Variants in TAFA5 observed in about 807,000 individuals in gnomAD.
The protein encoded by TAFA5 is chemokine-like protein TAFA-5.
In TAFA5, 6 loss-of-function variants were observed where a neutral mutation model predicts 15.3. The observed-to-expected ratio is 0.39, with a 90% CI of 0.21 to 0.77. The LOEUF is 0.77. Among genes scored for constraint, TAFA5 ranks in the 30% least tolerant of loss-of-function variants. The pLI is 0.41. For missense variants in TAFA5, 161 were observed against 193.1 expected, an observed-to-expected ratio of 0.83 and a Z score of 0.98; for synonymous variants, 103 against 80.7, an observed-to-expected ratio of 1.28 and a Z score of -1.48.
chr22:48,540,031 G>A (rs1190667713), intron 1 of TAFA5, among the ~76,000 whole-genome samples: 2 of 152,128 alleles, frequency 1.3e-5, no homozygotes, highest in African/African-American at 2.4e-5. Context: ...TGGAACTGGG[G>A]GCCTGGGAAG....
chr22:48,648,947 A>G (rs1175842201), intron 2 of TAFA5, among the ~76,000 whole-genome samples: 3 of 152,216 alleles, frequency 2.0e-5, no homozygotes, highest in Admixed American at 2.0e-4. Flanking sequence ...GAGTCAGGGC[A>G]TGGTCAGGAG....
At chr22:48,707,928 G>C (rs1397439057) in intron 3 of TAFA5, 84 bp downstream of exon 3, 1 of 1,529,168 alleles carries the variant, frequency 6.5e-7, no homozygotes, top group Non-Finnish European at 8.8e-7. Flanking sequence ...GGCTCCGCGG[G>C]GACAGGTGGC....
At chr22:48,656,040 C>T (rs1419688173) in intron 2 of TAFA5, among the ~76,000 whole-genome samples, 2 of 151,328 alleles carry the variant, frequency 1.3e-5, no homozygotes, top group African/African-American at 2.4e-5. Context: ...GATGGGGTTT[C>T]ATCATGTTGG....
chr22:48,562,836 G>C (rs1367772043), intron 1 of TAFA5, among the ~76,000 whole-genome samples: 1 of 152,146 alleles, frequency 6.6e-6, no homozygotes, highest in East Asian at 1.9e-4. Flanking sequence ...ACTCACTCGT[G>C]AACTTTGGAA....
intron 3 of TAFA5, among the ~76,000 whole-genome samples, chr22:48,736,528 C>T (rs13057553): frequency 0.033 from 3,384 of 104,016 alleles, 391 homozygotes; most frequent in Middle Eastern, 0.081. Context: ...ACACACAAAC[C>T]TGTACACGCC....
At chr22:48,644,445 A>G (rs1240740319) in intron 1 of TAFA5, among the ~76,000 whole-genome samples, 1 of 152,196 alleles carries the variant, frequency 6.6e-6, no homozygotes, top group Non-Finnish European at 1.5e-5. Flanking sequence ...GCCCTGCACC[A>G]TGGGCAGAAG....
At chr22:48,508,410 A>G (rs1442052952) in intron 1 of TAFA5, among the ~76,000 whole-genome samples, 2 of 152,174 alleles carry the variant, frequency 1.3e-5, no homozygotes, top group East Asian at 3.9e-4. Context: ...GGAGTTTGGA[A>G]GTAAGAAAAG....
Position 48,670,333 on chromosome 22 carries a change from G to A in TAFA5, c.262+23587G>A, listed in dbSNP as rs1927762549. Among the ~76,000 whole-genome samples, 3 of 152,230 alleles carry A rather than the reference G, an allele frequency of 2.0e-5. No individual in the cohort carries two copies. The South Asian group carries it at 6.2e-4, about 31-fold the overall frequency. On this transcript the variant is annotated intron_variant, in intron 2 of 3. Coordinates refer to ENST00000402357, the MANE Select transcript of TAFA5 (RefSeq NM_001082967.3). Reference sequence around the variant, plus strand: ...GAAGTCATTATGAATTGGCTTACAGGGTTTGGAACGTTCTTTTTAATGAAG... The same window carrying A: ...GAAGTCATTATGAATTGGCTTACAGAGTTTGGAACGTTCTTTTTAATGAAG...
At chr22:48,591,103 C>T (rs767834533) in intron 1 of TAFA5, among the ~76,000 whole-genome samples, 12 of 152,204 alleles carry the variant, frequency 7.9e-5, no homozygotes, top group Non-Finnish European at 1.2e-4. Context: ...CCGCCCGCCT[C>T]GGCCTCCCAA....
At chr22:48,609,940 A>G (rs1925337749) in intron 1 of TAFA5, among the ~76,000 whole-genome samples, 1 of 152,120 alleles carries the variant, frequency 6.6e-6, no homozygotes, top group African/African-American at 2.4e-5. Context: ...CACCAGTCAT[A>G]TTGGATTGAG....
At chr22:48,516,995 G>T (rs754429119) in intron 1 of TAFA5, among the ~76,000 whole-genome samples, 17 of 152,194 alleles carry the variant, frequency 1.1e-4, no homozygotes, top group Non-Finnish European at 2.2e-4. Flanking sequence ...CCCTGTTGAA[G>T]ATTGCATTCT....
chr22:48,547,650 A>T (rs918735867), intron 1 of TAFA5, among the ~76,000 whole-genome samples: 7 of 152,118 alleles, frequency 4.6e-5, no homozygotes, highest in Non-Finnish European at 7.4e-5. Context: ...TAGGGACATT[A>T]TCTGATTTCA....
chr22:48,676,352 C>T (rs530626969), intron 2 of TAFA5, among the ~76,000 whole-genome samples: 7 of 152,222 alleles, frequency 4.6e-5, no homozygotes, highest in South Asian at 4.1e-4. Context: ...GACGTTGTCC[C>T]GGGAGAAAGG....
At position 48,605,614 on chromosome 22, in the gene TAFA5, C is replaced by T. The variant is rs75168790; in HGVS notation, c.113-40983C>T. ...AACTAGGATGCAGGCAGGCATTTTACCTGCGAGATATCTGAAGTTTTGAGA... is the reference window on the plus strand; with the variant it reads ...AACTAGGATGCAGGCAGGCATTTTATCTGCGAGATATCTGAAGTTTTGAGA... On this transcript the variant is annotated intron_variant, in intron 1 of 3. Coordinates refer to ENST00000402357, the MANE Select transcript of TAFA5 (RefSeq NM_001082967.3). Among the ~76,000 whole-genome samples the T allele has an allele frequency of 5.1e-3, 780 of 152,234 alleles. 46 individuals are homozygous for T. The East Asian group carries it at 0.13, about 25-fold the overall frequency.
chr22:48,654,345 C>T (rs1411259922), intron 2 of TAFA5, among the ~76,000 whole-genome samples: 4 of 152,176 alleles, frequency 2.6e-5, no homozygotes, highest in East Asian at 1.9e-4. Flanking sequence ...GAAGCCTGCC[C>T]GTGGAAGGCC....
At chr22:48,494,724 TC>T (rs1333582163) in intron 1 of TAFA5, among the ~76,000 whole-genome samples, 1 of 152,148 alleles carries the variant, frequency 6.6e-6, no homozygotes, top group Admixed American at 6.5e-5. Flanking sequence ...GCTCCTCCCT[TC>T]CGGACTTCTC....
intron 3 of TAFA5, among the ~76,000 whole-genome samples, chr22:48,710,834 G>C (rs1929228929): frequency 6.6e-6 from 1 of 152,156 alleles, no homozygotes; most frequent in African/African-American, 2.4e-5. Flanking sequence ...CTTTCCCTTG[G>C]GCCTCACGGG....
chr22:48,637,174 C>T (rs1204817869), intron 1 of TAFA5, among the ~76,000 whole-genome samples: 1 of 152,182 alleles, frequency 6.6e-6, no homozygotes, highest in Non-Finnish European at 1.5e-5. Context: ...GCTGGGGATG[C>T]CTGTGGGGGC....
At position 48,751,494 on chromosome 22, in the gene TAFA5, A is replaced by T. The variant is rs1056346421; in HGVS notation, c.*1647A>T. ...TGCTAGTTCTATCCTACTAAAAAAA[A>T]CGTAAAAAAATAACTATATAGAAGC... On this transcript the variant is annotated 3_prime_UTR_variant, in exon 4 of 4. Coordinates refer to ENST00000402357, the MANE Select transcript of TAFA5 (RefSeq NM_001082967.3). 2.6e-5 allele frequency: 4 copies of T among 152,464 alleles called. No homozygotes were observed. Among genetic ancestry groups the T allele is most frequent in the African/African-American group, 9.6e-5 (4 of 41,476 alleles). 9.4% of individuals were successfully genotyped at this position (152,464 alleles called of 1,614,324 possible). A position where few individuals can be genotyped will look rare whatever the true frequency, so the allele number is the denominator to read the frequency against.
Sources: gnomAD v4.1 joint callset for allele counts (sites outside exome capture counted in the v4.1 genomes callset) on GRCh38, gnomAD v4.1.1 for gene constraint, MANE v1.5 for transcripts, NCBI Gene and HGNC (gene_info 2026-07-23, HGNC 2026-07-21) for gene names.